PTPRD: variants seen among roughly 807,000 people sequenced by gnomAD.
PTPRD encodes protein tyrosine phosphatase receptor type D, also known as receptor-type tyrosine-protein phosphatase delta.
A neutral mutation model predicts 214.5 loss-of-function variants in PTPRD; 34 were observed. That is an observed-to-expected ratio of 0.16 (90% CI 0.12 to 0.21). PTPRD has a LOEUF of 0.21. Ranked by LOEUF, PTPRD falls within the 10% of genes least tolerant of loss-of-function variation. PTPRD has a pLI of 1.00. For missense variants in PTPRD, 2,545 were observed against 2,398.7 expected, an observed-to-expected ratio of 1.06 and a Z score of -1.27; for synonymous variants, 1,128 against 845.7, an observed-to-expected ratio of 1.33 and a Z score of -5.79.
intron 7 of PTPRD, among the ~76,000 whole-genome samples, chr9:9,619,601 A>G (rs2095113734): frequency 6.9e-6 from 1 of 145,898 alleles, no homozygotes; most frequent in South Asian, 2.1e-4. Context: ...TAGAGAGATA[A>G]TATACAAATA....
chr9:9,215,876 C>T (rs1186057892), intron 9 of PTPRD, among the ~76,000 whole-genome samples: 1 of 152,174 alleles, frequency 6.6e-6, no homozygotes, highest in Admixed American at 6.5e-5. Flanking sequence ...ATGGAGTCAA[C>T]AGTCTGGTGG....
chr9:8,428,514 T>C (rs990479570), intron 35 of PTPRD, among the ~76,000 whole-genome samples: 16 of 152,188 alleles, frequency 1.1e-4, no homozygotes, highest in African/African-American at 3.6e-4. Flanking sequence ...TACTTAGAAA[T>C]GGAGGCCTTC....
At chr9:10,187,123 T>C (rs535853424) in intron 3 of PTPRD, among the ~76,000 whole-genome samples, 10 of 152,308 alleles carry the variant, frequency 6.6e-5, no homozygotes, top group Non-Finnish European at 8.8e-5. Flanking sequence ...ATAAATGCTC[T>C]TTTAAAAACT....
At chr9:9,550,550 A>G (rs1052423511) in intron 8 of PTPRD, among the ~76,000 whole-genome samples, 1 of 149,188 alleles carries the variant, frequency 6.7e-6, no homozygotes, top group East Asian at 1.9e-4. Flanking sequence ...GCATATATAT[A>G]TTATATAATG....
At chr9:9,382,044 T>C (rs2062459501) in intron 9 of PTPRD, among the ~76,000 whole-genome samples, 1 of 152,310 alleles carries the variant, frequency 6.6e-6, no homozygotes, top group South Asian at 2.1e-4. Flanking sequence ...TGTGTCTCTT[T>C]ACATTTCTAC....
At chr9:9,097,279 G>C (rs1475333875) in intron 10 of PTPRD, among the ~76,000 whole-genome samples, 1 of 152,142 alleles carries the variant, frequency 6.6e-6, no homozygotes, top group African/African-American at 2.4e-5. Context: ...GCACTATAAT[G>C]AGGAGATTCT....
intron 2 of PTPRD, among the ~76,000 whole-genome samples, chr9:10,403,510 T>A (rs1317990814): frequency 1.3e-5 from 2 of 151,426 alleles, no homozygotes; most frequent in Admixed American, 6.6e-5. Context: ...TGCATTAACA[T>A]GAACTCTCAT....
chr9:9,627,221 C>T (rs1434833011), intron 7 of PTPRD, among the ~76,000 whole-genome samples: 1 of 152,146 alleles, frequency 6.6e-6, no homozygotes, highest in Non-Finnish European at 1.5e-5. Flanking sequence ...GCAGGAGAAT[C>T]GCTTGAATCT....
At chr9:9,461,726 A>G (rs887417603) in intron 8 of PTPRD, among the ~76,000 whole-genome samples, 5 of 152,102 alleles carry the variant, frequency 3.3e-5, no homozygotes, top group African/African-American at 1.2e-4. Flanking sequence ...TATGTTAGGA[A>G]TTTATGGGCC....
At chr9:9,021,367 A>G (rs948599765) in intron 10 of PTPRD, among the ~76,000 whole-genome samples, 1 of 152,196 alleles carries the variant, frequency 6.6e-6, no homozygotes, top group African/African-American at 2.4e-5. Flanking sequence ...TGTATGGTAC[A>G]TCATATTTGA....
intron 10 of PTPRD, among the ~76,000 whole-genome samples, chr9:9,122,854 A>G (rs1443732643): frequency 1.3e-5 from 2 of 152,200 alleles, no homozygotes; most frequent in African/African-American, 4.8e-5. Context: ...TACAAACCCA[A>G]TCCCATTTCC....
At chr9:9,958,714 G>C (rs1220185399) in intron 4 of PTPRD, among the ~76,000 whole-genome samples, 1 of 152,118 alleles carries the variant, frequency 6.6e-6, no homozygotes, top group Non-Finnish European at 1.5e-5. Flanking sequence ...GGAAACAAGT[G>C]ACCCAATTTA....
In PTPRD at chr9:8,316,604, A is replaced by G. The variant is rs1426735077; in HGVS notation, c.*1270T>C. 4 of 230,916 alleles carry G rather than the reference A, an allele frequency of 1.7e-5. No homozygotes were observed. The highest frequency in any genetic ancestry group is 2.6e-5 in the Non-Finnish European group (3 of 116,388). The allele number at this position is 230,916 out of a possible 1,614,324, so 14.3% of individuals were successfully genotyped here. On this transcript the variant is annotated 3_prime_UTR_variant, in exon 46 of 46. Coordinates refer to ENST00000381196, the MANE Select transcript of PTPRD (RefSeq NM_002839.4). Reference sequence around the variant, plus strand: ...ATGCACTGACCTTTCCCACATGCACACCTCTTAGCTATTTAATAATAATTT... The same window carrying G: ...ATGCACTGACCTTTCCCACATGCACGCCTCTTAGCTATTTAATAATAATTT...
intron 10 of PTPRD, among the ~76,000 whole-genome samples, chr9:9,160,018 GTATCTT>G (rs1228792033): frequency 1.3e-5 from 2 of 152,098 alleles, no homozygotes; most frequent in African/African-American, 4.8e-5. Flanking sequence ...GAATGACACT[GTATCTT>G]TATCTCACAT....
chr9:8,563,681 C>T (rs749427895), intron 14 of PTPRD, among the ~76,000 whole-genome samples: 30 of 151,492 alleles, frequency 2.0e-4, no homozygotes, highest in Middle Eastern at 3.4e-3. Flanking sequence ...GTGTTCCACC[C>T]GCCTTGGCCT....
At chr9:8,552,927 C>T (rs2082540936) in intron 14 of PTPRD, among the ~76,000 whole-genome samples, 1 of 152,152 alleles carries the variant, frequency 6.6e-6, no homozygotes, top group Admixed American at 6.5e-5. Flanking sequence ...GCCTCTGTTG[C>T]TAGAGCCAAT....
At chr9:8,905,168 A>G (rs58890045) in intron 11 of PTPRD, among the ~76,000 whole-genome samples, 13,653 of 152,206 alleles carry the variant, frequency 0.09, 1,953 homozygotes, top group African/African-American at 0.31. Flanking sequence ...TTTATGTAAC[A>G]TGCAAATCAA....
chr9:8,976,177 A>G (rs576797323), intron 11 of PTPRD, among the ~76,000 whole-genome samples: 51 of 152,054 alleles, frequency 3.4e-4, no homozygotes, highest in Non-Finnish European at 5.6e-4. Context: ...CTTTTGCCCT[A>G]TCTGGGGAAA....
chr9:9,029,349 G>T (rs1278066777), intron 10 of PTPRD, among the ~76,000 whole-genome samples: 1 of 151,792 alleles, frequency 6.6e-6, no homozygotes, highest in Non-Finnish European at 1.5e-5. Flanking sequence ...AGTGCTGATT[G>T]GTTAGGAGGG....
Sources: gnomAD v4.1 joint callset for allele counts (sites outside exome capture counted in the v4.1 genomes callset) on GRCh38, gnomAD v4.1.1 for gene constraint, MANE v1.5 for transcripts, NCBI Gene and HGNC (gene_info 2026-07-23, HGNC 2026-07-21) for gene names.